RBFOX1: variants seen among roughly 807,000 people sequenced by gnomAD.
RBFOX1 encodes RNA binding protein fox-1 homolog 1.
In RBFOX1, 8 loss-of-function variants were observed where a neutral mutation model predicts 57.7. That is an observed-to-expected ratio of 0.14 (90% CI 0.08 to 0.25). The LOEUF (loss-of-function observed/expected upper bound fraction) is 0.25, where lower values mean the gene tolerates loss of function less well. Ranked by LOEUF, RBFOX1 falls within the 10% of genes least tolerant of loss-of-function variation. The pLI is 1.00. For missense variants in RBFOX1, 611 were observed against 548.5 expected, an observed-to-expected ratio of 1.11 and a Z score of -1.14; for synonymous variants, 326 against 222.4, an observed-to-expected ratio of 1.47 and a Z score of -4.15.
chr16:5,636,248 C>A, intron 3 of RBFOX1, among the ~76,000 whole-genome samples: 1 of 151,796 alleles, frequency 6.6e-6, no homozygotes, highest in African/African-American at 2.4e-5. Flanking sequence ...CTCTGGAGGC[C>A]GATGCAGGAG....
At chr16:7,333,182 T>A (rs187136314) in intron 4 of RBFOX1, 1 of 1,234,508 alleles carries the variant, frequency 8.1e-7, no homozygotes, top group East Asian at 2.3e-5. Context: ...ACACTTTTAA[T>A]ACAGGAAAAA....
At chr16:7,243,315 G>A (rs963526958) in intron 4 of RBFOX1, among the ~76,000 whole-genome samples, 1 of 152,202 alleles carries the variant, frequency 6.6e-6, no homozygotes, top group South Asian at 2.1e-4. Flanking sequence ...GTGACCTTAG[G>A]CCAGCAACTA....
At chr16:7,012,021 C>G (rs1330537484) in intron 3 of RBFOX1, among the ~76,000 whole-genome samples, 1 of 152,084 alleles carries the variant, frequency 6.6e-6, no homozygotes, top group Non-Finnish European at 1.5e-5. Flanking sequence ...AGTCCAGTCA[C>G]TGTAGGTCAA....
chr16:7,304,533 A>G (rs1603616028), intron 4 of RBFOX1: 1 of 985,302 alleles, frequency 1.0e-6, no homozygotes, highest in Non-Finnish European at 1.2e-6. Flanking sequence ...GGGCTGGGCC[A>G]GATGGGTCCC....
chr16:5,929,656 G>C (rs144009072), intron 4 of RBFOX1, among the ~76,000 whole-genome samples: 29 of 152,300 alleles, frequency 1.9e-4, no homozygotes, highest in African/African-American at 6.7e-4. Context: ...TAGTGTTTAA[G>C]AATGTAGACT....
chr16:5,375,129 G>T (rs1263459200), intron 1 of RBFOX1, among the ~76,000 whole-genome samples: 1 of 141,308 alleles, frequency 7.1e-6, no homozygotes, highest in Non-Finnish European at 1.5e-5. Flanking sequence ...GTGCGGGTTT[G>T]TCAAATGCTA....
chr16:5,861,112 A>T, intron 3 of RBFOX1, among the ~76,000 whole-genome samples: 1 of 152,188 alleles, frequency 6.6e-6, no homozygotes, highest in East Asian at 1.9e-4. Flanking sequence ...GCATTCTATC[A>T]CCAGGAGAGT....
chr16:5,293,031 A>G (rs993654436), intron 1 of RBFOX1, among the ~76,000 whole-genome samples: 11 of 151,834 alleles, frequency 7.2e-5, no homozygotes, highest in African/African-American at 2.7e-4. Flanking sequence ...CTTCAAATAG[A>G]ATTTGGAGGC....
At chr16:7,530,975 A>C (rs895221309) in intron 5 of RBFOX1, among the ~76,000 whole-genome samples, 4 of 152,166 alleles carry the variant, frequency 2.6e-5, no homozygotes, top group African/African-American at 9.7e-5. Flanking sequence ...ATGCCATCTC[A>C]GTGTCCTTAG....
intron 3 of RBFOX1, among the ~76,000 whole-genome samples, chr16:7,007,558 G>A (rs1251295553): frequency 6.6e-6 from 1 of 152,088 alleles, no homozygotes; most frequent in African/African-American, 2.4e-5. Flanking sequence ...GCATAAATTT[G>A]CCTACTGTAC....
intron 1 of RBFOX1, among the ~76,000 whole-genome samples, chr16:6,034,346 A>AG (rs2095333973): frequency 7.0e-6 from 1 of 142,158 alleles, no homozygotes; most frequent in Non-Finnish European, 1.6e-5. Flanking sequence ...AAAAAAAAAA[A>AG]AAAAAAAAAA....
intron 4 of RBFOX1, among the ~76,000 whole-genome samples, chr16:7,164,509 T>A (rs868365577): frequency 1.1e-4 from 16 of 152,344 alleles, no homozygotes; most frequent in African/African-American, 3.4e-4. Flanking sequence ...AGAAATGATA[T>A]GTGTCTTTTG....
Position 6,476,106 on chromosome 16 carries a change from C to T in RBFOX1, c.-64+159049C>T, listed in dbSNP as rs1403129462. ...AAAATGTTATTGGTACAATGTCAGT[C>T]ATCGACACTCACATGGCCAGGGACG... On this transcript the variant is annotated intron_variant, in intron 2 of 15. Coordinates refer to ENST00000550418, the MANE Select transcript of RBFOX1 (RefSeq NM_018723.4). 3.3e-5 allele frequency among the ~76,000 whole-genome samples: 5 copies of T among 152,152 alleles called. No homozygotes were observed. In the East Asian group the frequency reaches 9.6e-4, roughly 29 times the overall value.
intron 4 of RBFOX1, among the ~76,000 whole-genome samples, chr16:7,429,613 C>T (rs536401849): frequency 1.7e-3 from 261 of 152,230 alleles, no homozygotes; most frequent in African/African-American, 4.6e-3. Context: ...AGAAAATAGT[C>T]GTCAGGTGGA....
At chr16:7,308,472 C>G (rs761043185) in intron 4 of RBFOX1, among the ~76,000 whole-genome samples, 25 of 152,240 alleles carry the variant, frequency 1.6e-4, no homozygotes, top group East Asian at 7.7e-4. Flanking sequence ...AAAAATACGT[C>G]AAATGCTTAA....
intron 1 of RBFOX1, among the ~76,000 whole-genome samples, chr16:6,093,808 G>T (rs940235622): frequency 2.0e-5 from 3 of 151,182 alleles, no homozygotes; most frequent in African/African-American, 4.9e-5. Context: ...TTGTAAAGAT[G>T]GGGGTCTCAC....
At chr16:5,716,688 T>C (rs904272653) in intron 3 of RBFOX1, among the ~76,000 whole-genome samples, 3 of 152,236 alleles carry the variant, frequency 2.0e-5, no homozygotes, top group Admixed American at 6.5e-5. Flanking sequence ...TACCACTCTG[T>C]CTTTAAAAAG....
At chr16:5,941,634 C>T (rs1055443016) in intron 4 of RBFOX1, among the ~76,000 whole-genome samples, 3 of 152,012 alleles carry the variant, frequency 2.0e-5, no homozygotes, top group Admixed American at 2.0e-4. Context: ...TTAAAATGTG[C>T]CAAATAATTG....
At chr16:6,764,116 A>G (rs1210138243) in intron 3 of RBFOX1, among the ~76,000 whole-genome samples, 1 of 152,226 alleles carries the variant, frequency 6.6e-6, no homozygotes, top group African/African-American at 2.4e-5. Context: ...TGTGCCTCCC[A>G]GTCTTTGCGT....
Sources: allele counts gnomAD v4.1 joint callset (sites outside exome capture counted in the v4.1 genomes callset), GRCh38; gene constraint gnomAD v4.1.1; transcripts MANE v1.5; gene names NCBI Gene and HGNC (gene_info 2026-07-23, HGNC 2026-07-21).